The following UIMC1 variants were observed in gnomAD, a reference collection of about 807,000 sequenced individuals.
UIMC1 encodes BRCA1-A complex subunit RAP80.
In UIMC1, 42 loss-of-function variants were observed where a neutral mutation model predicts 84.9. The observed-to-expected ratio is 0.49, with a 90% CI of 0.39 to 0.64. The LOEUF is 0.64. Ranked by LOEUF, UIMC1 falls within the 30% of genes least tolerant of loss-of-function variation. The pLI is 0.00. For missense variants in UIMC1, 825 were observed against 847.6 expected (o/e 0.97, Z 0.33); for synonymous variants, 281 against 293.0 (o/e 0.96, Z 0.42).
intron 10 of UIMC1, among the ~76,000 whole-genome samples, chr5:176,937,158 T>C (rs1407662319): frequency 6.6e-6 from 1 of 152,230 alleles, no homozygotes; most frequent in African/African-American, 2.4e-5. Flanking sequence ...TGTTCTAGTC[T>C]AGATCAACGT....
intron 1 of UIMC1, among the ~76,000 whole-genome samples, chr5:176,985,370 C>A (rs1456525334): frequency 6.6e-6 from 1 of 151,386 alleles, no homozygotes; most frequent in African/African-American, 2.4e-5. Flanking sequence ...GCAGGACAAT[C>A]ACTTGAACCC....
Position 176,985,243 on chromosome 5 carries a change from G to A in UIMC1, c.-8-2620C>T, listed in dbSNP as rs536603068. Among the ~76,000 whole-genome samples the A allele has an allele frequency of 1.2e-4, 19 of 152,002 alleles. No homozygotes were observed. The South Asian group carries it at 1.9e-3, about 15-fold the overall frequency. ...AGCTGAGGCAGGTGGATCATTTGAC[G>A]TGAGGAGTTGGAGACTATCCTGGCC... On this transcript the variant is annotated intron_variant, in intron 1 of 14. Transcript: ENST00000511320.
intron 13 of UIMC1, 56 bp downstream of exon 13, chr5:176,907,058 A>G (rs1455828131): frequency 1.3e-6 from 2 of 1,565,602 alleles, no homozygotes; most frequent in African/African-American, 2.7e-5. Flanking sequence ...GGCAATGGCT[A>G]TCTTCACTGA....
intron 1 of UIMC1, among the ~76,000 whole-genome samples, chr5:177,003,359 T>A (rs979758511): frequency 6.6e-6 from 1 of 152,032 alleles, no homozygotes; most frequent in Non-Finnish European, 1.5e-5. Flanking sequence ...ATGGAGGATA[T>A]AAAACTTAAG....
At chr5:176,920,007 G>A (rs1484186859) in intron 10 of UIMC1, among the ~76,000 whole-genome samples, 2 of 152,002 alleles carry the variant, frequency 1.3e-5, no homozygotes, top group Non-Finnish European at 2.9e-5. Flanking sequence ...AGTTAGCTGG[G>A]ATTTTTGTGG....
At chr5:176,963,157 T>TAAAAA (rs70991588) in intron 6 of UIMC1, among the ~76,000 whole-genome samples, 2 of 13,986 alleles carry the variant, frequency 1.4e-4, no homozygotes, top group African/African-American at 7.7e-4. Flanking sequence ...AAAAATAAAT[T>TAAAAA]AAAAAAAAAA....
intron 1 of UIMC1, among the ~76,000 whole-genome samples, chr5:176,994,121 G>A (rs1773263122): frequency 6.6e-6 from 1 of 151,888 alleles, no homozygotes; most frequent in Non-Finnish European, 1.5e-5. Flanking sequence ...CATAAACACT[G>A]GGAGGCTGGC....
chr5:176,905,448 A>AT lies in UIMC1; in HGVS notation c.1993dup (p.Met665AsnfsTer9). On this transcript the variant is annotated frameshift_variant, in exon 15 of 15. Transcript: ENST00000511320. LOFTEE classifies it high-confidence loss of function. ...GTCACGACGTGTGAAAGAACTCTGC[A>AT]TCTCTCTGCTGCAGCCTGCCTCTTC... The AT allele has an allele frequency of 1.2e-6, 2 of 1,614,162 alleles. No individual in the cohort carries two copies. The highest frequency in any genetic ancestry group is 1.7e-6 in the Non-Finnish European group (2 of 1,180,004).
At chr5:176,930,847 C>A (rs892514227) in intron 10 of UIMC1, among the ~76,000 whole-genome samples, 8 of 152,320 alleles carry the variant, frequency 5.3e-5, no homozygotes, top group Middle Eastern at 3.4e-3. Context: ...AGCAAAGAGT[C>A]TAATCCATCA....
intron 9 of UIMC1, among the ~76,000 whole-genome samples, chr5:176,943,987 T>C (rs353478): frequency 0.58 from 87,783 of 152,106 alleles, 27,064 homozygotes; most frequent in African/African-American, 0.81. Context: ...ACAATCCTCA[T>C]TGCATCAGTG....
chr5:176,999,963 T>C (rs538811324), intron 1 of UIMC1, among the ~76,000 whole-genome samples: 7 of 152,246 alleles, frequency 4.6e-5, no homozygotes, highest in Admixed American at 2.0e-4. Context: ...TTTAGTTGTT[T>C]TGTTTTCTTT....
chr5:176,938,126 G>A (rs1763926911), intron 10 of UIMC1, among the ~76,000 whole-genome samples: 1 of 149,760 alleles, frequency 6.7e-6, no homozygotes, highest in African/African-American at 2.5e-5. Flanking sequence ...GGAGGTTGAG[G>A]CTGCAGTGAG....
At chr5:176,929,280 T>C (rs574181777) in intron 10 of UIMC1, among the ~76,000 whole-genome samples, 76 of 150,878 alleles carry the variant, frequency 5.0e-4, no homozygotes, top group African/African-American at 1.8e-3. Context: ...TTATCATTAA[T>C]TGGCTGGGTG....
intron 10 of UIMC1, among the ~76,000 whole-genome samples, chr5:176,942,845 A>G (rs529030150): frequency 2.6e-5 from 4 of 151,990 alleles, no homozygotes; most frequent in Admixed American, 1.3e-4. Context: ...ACTTGAGGTC[A>G]TGAGTTCGAG....
chr5:177,002,295 A>G (rs1774639506), intron 1 of UIMC1, among the ~76,000 whole-genome samples: 1 of 152,038 alleles, frequency 6.6e-6, no homozygotes, highest in Non-Finnish European at 1.5e-5. Context: ...TTCCCAAAAA[A>G]ATAAAAATAA....
At chr5:176,974,571 C>T (rs1189739304) in intron 3 of UIMC1, among the ~76,000 whole-genome samples, 3 of 152,076 alleles carry the variant, frequency 2.0e-5, no homozygotes, top group Non-Finnish European at 4.4e-5. Flanking sequence ...TCTAGCCAGG[C>T]ATGGTGGCTC....
chr5:177,010,431 A>C (rs1233099930), upstream of UIMC1, among the ~76,000 whole-genome samples: 1 of 152,210 alleles, frequency 6.6e-6, no homozygotes, highest in Non-Finnish European at 1.5e-5. Flanking sequence ...ACGTAAACAC[A>C]CATATTCTTA....
At chr5:176,908,822 TGCAGATTCACTCA>T (rs1377992089) in intron 11 of UIMC1, 128 bp from the exon 12 acceptor site, 1 of 912,064 alleles carries the variant, frequency 1.1e-6, no homozygotes, top group Admixed American at 2.8e-5. Flanking sequence ...TATCAACCAA[TGCAGATTCACTCA>T]GCAGGATCAC....
At chr5:176,930,716 AG>A (rs1762976316) in intron 10 of UIMC1, among the ~76,000 whole-genome samples, 1 of 152,208 alleles carries the variant, frequency 6.6e-6, no homozygotes, top group East Asian at 1.9e-4. Context: ...CTTAGAGATC[AG>A]TCTATGCATG....
Sources: allele counts gnomAD v4.1 joint callset (sites outside exome capture counted in the v4.1 genomes callset), GRCh38; gene constraint gnomAD v4.1.1; transcripts MANE v1.5; gene names NCBI Gene and HGNC (gene_info 2026-07-23, HGNC 2026-07-21).